DZANK1: variants seen among roughly 807,000 people sequenced by gnomAD.
The protein encoded by DZANK1 is double zinc ribbon and ankyrin repeat domains 1, also known as double zinc ribbon and ankyrin repeat-containing protein 1.
A neutral mutation model predicts 94.5 loss-of-function variants in DZANK1; 91 were observed. The ratio of observed to expected loss-of-function variants is 0.96; its 90% CI spans 0.81 to 1.15. The LOEUF is 1.15. Ranked by LOEUF, DZANK1 falls within the 50% of genes most tolerant of loss-of-function variation. The pLI is 0.00. For synonymous variants in DZANK1, 312 were observed against 325.3 expected, an observed-to-expected ratio of 0.96 and a Z score of 0.44; for missense variants, 903 against 916.4, an observed-to-expected ratio of 0.99 and a Z score of 0.19.
intron 6 of DZANK1, among the ~76,000 whole-genome samples, chr20:18,450,376 C>T (rs1349777734): frequency 6.6e-6 from 1 of 152,092 alleles, no homozygotes; most frequent in East Asian, 1.9e-4. Context: ...CATAGTGAAT[C>T]CCCATCTCTA....
At chr20:18,401,095 C>T (rs1348278615) in intron 13 of DZANK1, among the ~76,000 whole-genome samples, 2 of 152,070 alleles carry the variant, frequency 1.3e-5, no homozygotes, top group African/African-American at 4.8e-5. Flanking sequence ...CACCACCACA[C>T]CTGGCTAATT....
intron 15 of DZANK1, among the ~76,000 whole-genome samples, chr20:18,396,202 A>G (rs2056330426): frequency 6.6e-6 from 1 of 152,230 alleles, no homozygotes; most frequent in African/African-American, 2.4e-5. Flanking sequence ...TCTTTCCCCA[A>G]ATCAATTATA....
intron 13 of DZANK1, among the ~76,000 whole-genome samples, chr20:18,410,571 A>C (rs919801057): frequency 2.0e-5 from 3 of 152,226 alleles, no homozygotes; most frequent in Non-Finnish European, 4.4e-5. Flanking sequence ...CAACTTTATC[A>C]ATAATAACAT....
chr20:18,455,267 G>A lies in DZANK1; in HGVS notation c.358C>T (p.Leu120Phe), dbSNP rs267605849. 14 of 1,605,004 alleles carry A rather than the reference G, an allele frequency of 8.7e-6. No homozygotes were observed. The African/African-American group carries it at 1.5e-4, about 17-fold the overall frequency. ...CTTGCCTGCCTTGAAGAATCTTTGA[G>A]AACATTTTCAACATTGTCTTCAGGA... The change falls in exon 4 of 21, where the codon CTC becomes TTC. Residue 120 changes from leucine to phenylalanine, a missense_variant. Transcript: ENST00000262547.
chr20:18,395,844 T>C (rs1479860429), intron 15 of DZANK1, among the ~76,000 whole-genome samples: 1 of 152,220 alleles, frequency 6.6e-6, no homozygotes, highest in Admixed American at 6.5e-5. Flanking sequence ...AGCACATTCA[T>C]GTGCATTAGC....
intron 12 of DZANK1, among the ~76,000 whole-genome samples, chr20:18,413,542 G>A (rs1018296152): frequency 6.6e-6 from 1 of 152,180 alleles, no homozygotes; most frequent in Admixed American, 6.5e-5. Flanking sequence ...AGCACTTTGG[G>A]AGGCCACGGT....
intron 9 of DZANK1, among the ~76,000 whole-genome samples, chr20:18,430,015 A>T (rs2058218495): frequency 1.3e-5 from 2 of 152,226 alleles, no homozygotes; most frequent in Admixed American, 1.3e-4. Context: ...CCTTTGCAAC[A>T]TACTGAATAG....
chr20:18,424,706 T>C (rs2057958151), intron 10 of DZANK1, among the ~76,000 whole-genome samples: 1 of 152,190 alleles, frequency 6.6e-6, no homozygotes, highest in Non-Finnish European at 1.5e-5. Flanking sequence ...GCAATCCTAC[T>C]CCTAGGTATT....
Position 18,416,677 on chromosome 20 carries a change from A to T in DZANK1, c.955-1228T>A, listed in dbSNP as rs144304187. Among the ~76,000 whole-genome samples the T allele has an allele frequency of 4.1e-3, 628 of 152,274 alleles. 5 individuals carry two copies. Among genetic ancestry groups the T allele is most frequent in the African/African-American group, 0.014 (599 of 41,546 alleles). ...CTTCAGGGACCGCTCTGTTATCTAGAATAGAAACCTACTCAAGAGAGGCCA... is the reference window on the plus strand; with the variant it reads ...CTTCAGGGACCGCTCTGTTATCTAGTATAGAAACCTACTCAAGAGAGGCCA... On this transcript the variant is annotated intron_variant, in intron 10 of 20. Transcript: ENST00000262547.
intron 19 of DZANK1, among the ~76,000 whole-genome samples, 199 bp downstream of exon 19, chr20:18,389,502 A>G (rs2055832242): frequency 6.6e-6 from 1 of 152,252 alleles, no homozygotes; most frequent in Admixed American, 6.5e-5. Context: ...GCAATCCAAC[A>G]GTCCATTTTT....
intron 13 of DZANK1, among the ~76,000 whole-genome samples, chr20:18,406,634 G>C (rs981507061): frequency 6.6e-6 from 1 of 152,210 alleles, no homozygotes; most frequent in Admixed American, 6.5e-5. Context: ...AGTGGCTATG[G>C]TGCAAGACTC....
In DZANK1 at chr20:18,441,582, G is replaced by A. The variant is rs2058717221; in HGVS notation, c.747+1765C>T. ...AACCGAAGGAGGATCAAATTTGGAA[G>A]AGGCACTTACTTTGCCCCACATCCA... On this transcript the variant is annotated intron_variant, in intron 8 of 20. Coordinates refer to ENST00000262547, the Ensembl canonical transcript of DZANK1. The surrounding 1 kb of genome is among the most constrained non-coding windows in gnomAD (Gnocchi z 4.1). Among the ~76,000 whole-genome samples the A allele has an allele frequency of 6.6e-6, 1 of 152,200 alleles. No individual in the cohort carries two copies. Among genetic ancestry groups the A allele is most frequent in the Non-Finnish European group, 1.5e-5 (1 of 68,030 alleles).
chr20:18,436,123 C>T (rs937646895), intron 8 of DZANK1, among the ~76,000 whole-genome samples: 20 of 152,084 alleles, frequency 1.3e-4, no homozygotes, highest in Non-Finnish European at 2.4e-4. Flanking sequence ...GATTTCAAAG[C>T]AGCTATTTTT....
chr20:18,458,270 G>T lies in DZANK1; in HGVS notation c.263+1883C>A, dbSNP rs117977600. On this transcript the variant is annotated intron_variant, in intron 3 of 20. Transcript: ENST00000262547. Reference sequence around the variant, plus strand: ...AATAAGTATCCCTGGATCTTAGGGCGGAAGATTTATGAATCTTTAAATCTG... The same window carrying T: ...AATAAGTATCCCTGGATCTTAGGGCTGAAGATTTATGAATCTTTAAATCTG... 6.8e-4 allele frequency among the ~76,000 whole-genome samples: 103 copies of T among 152,222 alleles called. 1 individual carries two copies. Among genetic ancestry groups the T allele is most frequent in the East Asian group, 5.8e-4 (3 of 5,184 alleles).
intron 12 of DZANK1, among the ~76,000 whole-genome samples, chr20:18,413,577 C>T (rs2057355632): frequency 2.6e-5 from 4 of 151,942 alleles, no homozygotes; most frequent in East Asian, 1.9e-4. Flanking sequence ...GTAAGGAGTT[C>T]GAGATCAGCC....
At position 18,407,519 on chromosome 20, in the gene DZANK1, G is replaced by A. The variant is rs569449458; in HGVS notation, c.1432+5127C>T. ...AACTTTTCAAGGCCCAGACACTGAAGAGCATCTACAAGCATCACCAGCATT... is the reference window on the plus strand; with the variant it reads ...AACTTTTCAAGGCCCAGACACTGAAAAGCATCTACAAGCATCACCAGCATT... On this transcript the variant is annotated intron_variant, in intron 13 of 20. Transcript: ENST00000262547. Among the ~76,000 whole-genome samples the A allele has an allele frequency of 1.5e-3, 235 of 152,310 alleles. 1 individual carries two copies. The highest frequency in any genetic ancestry group is 2.3e-3 in the Non-Finnish European group (159 of 68,038).
chr20:18,449,113 A>G (rs745396056), intron 6 of DZANK1, 44 bp from the exon 7 acceptor site: 34 of 1,492,566 alleles, frequency 2.3e-5, no homozygotes, highest in African/African-American at 2.8e-5. Context: ...CATATAGTCA[A>G]AATAACATGG....
chr20:18,384,339 G>C (rs369660944), exon 21 of DZANK1: 1 of 1,513,226 alleles, frequency 6.6e-7, no homozygotes, highest in Non-Finnish European at 8.9e-7. Context: ...GATTACAGGC[G>C]TAAGCCACTG....
At position 18,386,548 on chromosome 20, in the gene DZANK1, A is replaced by G. The variant is rs905582286; in HGVS notation, c.2019-1458T>C. On this transcript the variant is annotated intron_variant, in intron 19 of 20. Coordinates refer to ENST00000262547, the Ensembl canonical transcript of DZANK1. Reference sequence around the variant, plus strand: ...AGAACAAAAGCAGCTCCTAGAAAGAATAACGATTATTCAATAGGAAGAATG... The same window carrying G: ...AGAACAAAAGCAGCTCCTAGAAAGAGTAACGATTATTCAATAGGAAGAATG... Among the ~76,000 whole-genome samples the G allele has an allele frequency of 5.9e-5, 9 of 152,232 alleles. No homozygotes were observed. The South Asian group carries it at 8.3e-4, about 14-fold the overall frequency.
Sources: gnomAD v4.1 joint callset for allele counts (sites outside exome capture counted in the v4.1 genomes callset) on GRCh38, gnomAD v4.1.1 for gene constraint, Gnocchi (gnomAD v3.1) non-coding constraint, MANE v1.5 for transcripts, NCBI Gene and HGNC (gene_info 2026-07-23, HGNC 2026-07-21) for gene names.